The following WDR7 variants were observed in gnomAD, a reference collection of about 807,000 sequenced individuals.
The protein encoded by WDR7 is WD repeat domain 7.
A neutral mutation model predicts 169.4 loss-of-function variants in WDR7; 46 were observed. That is an observed-to-expected ratio of 0.27 (90% CI 0.21 to 0.35). The LOEUF (loss-of-function observed/expected upper bound fraction) is 0.35. Ranked by LOEUF, WDR7 falls within the 10% of genes least tolerant of loss-of-function variation. The probability of loss-of-function intolerance (pLI) is 1.00; values close to 1 mark genes in which losing one functional copy is unlikely to be tolerated. For missense variants in WDR7, 1,534 were observed against 1,859.3 expected, an observed-to-expected ratio of 0.83 and a Z score of 3.22; for synonymous variants, 612 against 666.8, an observed-to-expected ratio of 0.92 and a Z score of 1.27.
chr18:56,988,335 C>T (rs1377534937), intron 26 of WDR7, among the ~76,000 whole-genome samples: 2 of 152,110 alleles, frequency 1.3e-5, no homozygotes, highest in Admixed American at 6.6e-5. Flanking sequence ...TCATTGATAT[C>T]ATTGCTGCCT....
intron 16 of WDR7, among the ~76,000 whole-genome samples, chr18:56,767,970 G>A (rs1288554580): frequency 1.3e-5 from 2 of 152,154 alleles, no homozygotes; most frequent in Non-Finnish European, 2.9e-5. Flanking sequence ...ATTTCTGTTA[G>A]AGATATTATT....
intron 26 of WDR7, among the ~76,000 whole-genome samples, chr18:56,978,317 G>C (rs1239228149): frequency 6.6e-6 from 1 of 152,174 alleles, no homozygotes; most frequent in Non-Finnish European, 1.5e-5. Context: ...TAAAAAACCT[G>C]TCAATGTCCC....
intron 13 of WDR7, among the ~76,000 whole-genome samples, chr18:56,722,909 T>C (rs1568158656): frequency 6.6e-6 from 1 of 152,200 alleles, no homozygotes; most frequent in Non-Finnish European, 1.5e-5. Flanking sequence ...TTCTACCTTC[T>C]AATTCATCCT....
At chr18:57,018,333 G>A (rs1349135145) in intron 26 of WDR7, among the ~76,000 whole-genome samples, 3 of 152,234 alleles carry the variant, frequency 2.0e-5, no homozygotes, top group African/African-American at 7.2e-5. Flanking sequence ...GGATCCCAGA[G>A]CATGGAAGAA....
intron 12 of WDR7, among the ~76,000 whole-genome samples, chr18:56,716,030 AGTGTGTGTGTGTGTGT>A (rs10572330): frequency 6.8e-5 from 10 of 146,586 alleles, no homozygotes; most frequent in African/African-American, 2.5e-4. Context: ...CATACGTAGC[AGTGTGTGTGTGTGTGT>A]GTGTGTGTGT....
intron 26 of WDR7, among the ~76,000 whole-genome samples, chr18:56,978,340 G>A (rs1414818072): frequency 6.6e-6 from 1 of 152,160 alleles, no homozygotes; most frequent in African/African-American, 2.4e-5. Context: ...AATGTACTCT[G>A]CATGGCTTTT....
intron 14 of WDR7, among the ~76,000 whole-genome samples, chr18:56,748,769 A>G (rs1166337876): frequency 1.3e-5 from 2 of 152,124 alleles, no homozygotes; most frequent in African/African-American, 2.4e-5. Flanking sequence ...ATAATAGTAT[A>G]TATTGTCTAA....
intron 12 of WDR7, chr18:56,699,838 T>C (rs1447808975): frequency 5.1e-6 from 5 of 985,332 alleles, no homozygotes; most frequent in Non-Finnish European, 6.0e-6. Context: ...GTAGAACAGA[T>C]GCTGCAGCTG....
At chr18:57,033,497 C>T (rs2048452704), downstream of WDR7, 2 of 152,236 alleles carry the variant, frequency 1.3e-5, no homozygotes, top group South Asian at 2.1e-4. Flanking sequence ...AAAGGACACT[C>T]GAAATCCATA....
intron 4 of WDR7, among the ~76,000 whole-genome samples, chr18:56,681,759 G>T (rs1383274626): frequency 1.3e-5 from 2 of 152,196 alleles, no homozygotes; most frequent in Non-Finnish European, 2.9e-5. Flanking sequence ...GACACAAATT[G>T]ACCTACTTTT....
At chr18:56,987,143 G>A (rs929966057) in intron 26 of WDR7, among the ~76,000 whole-genome samples, 5 of 151,980 alleles carry the variant, frequency 3.3e-5, no homozygotes, top group Admixed American at 3.3e-4. Flanking sequence ...GTTTTTGATA[G>A]CATGAGGTTT....
At chr18:56,968,409 T>C (rs1438134035) in intron 26 of WDR7, among the ~76,000 whole-genome samples, 3 of 152,260 alleles carry the variant, frequency 2.0e-5, no homozygotes, top group Admixed American at 2.0e-4. Context: ...GTTATGGTTA[T>C]ATTTCAGTAT....
chr18:56,977,624 T>C (rs1055612661), intron 26 of WDR7, among the ~76,000 whole-genome samples: 7 of 152,234 alleles, frequency 4.6e-5, no homozygotes, highest in African/African-American at 1.7e-4. Context: ...GTAATTCTGC[T>C]CCTGCTTTAA....
intron 25 of WDR7, among the ~76,000 whole-genome samples, chr18:56,950,477 G>A (rs189434822): frequency 7.0e-4 from 106 of 152,262 alleles, no homozygotes; most frequent in African/African-American, 2.3e-3. Flanking sequence ...TATGAAAATT[G>A]TTTTGATCTC....
chr18:57,036,405 A>G, the WDR7 span: 1 of 152,270 alleles, frequency 6.6e-6, no homozygotes, highest in Non-Finnish European at 1.5e-5. Flanking sequence ...ATAACCCATC[A>G]TGGGGATAAA....
chr18:56,933,582 C>G (rs1599170048), intron 22 of WDR7, among the ~76,000 whole-genome samples: 1 of 152,212 alleles, frequency 6.6e-6, no homozygotes, highest in Admixed American at 6.5e-5. Flanking sequence ...CTAAAATCTT[C>G]TCTCAAAGAT....
At chr18:56,833,531 A>AT (rs1482800372) in intron 20 of WDR7, among the ~76,000 whole-genome samples, 2 of 152,220 alleles carry the variant, frequency 1.3e-5, no homozygotes, top group African/African-American at 4.8e-5. Context: ...ATATAAGCTA[A>AT]TTGGTACCTA....
chr18:56,887,046 CTG>C (rs1297703207), intron 21 of WDR7, among the ~76,000 whole-genome samples: 1 of 152,018 alleles, frequency 6.6e-6, no homozygotes, highest in African/African-American at 2.4e-5. Flanking sequence ...ACTCCACTAA[CTG>C]TGATAATTTT....
At chr18:56,692,632 C>T (rs80083323) in intron 9 of WDR7, among the ~76,000 whole-genome samples, 1 of 151,642 alleles carries the variant, frequency 6.6e-6, no homozygotes, top group Non-Finnish European at 1.5e-5. Context: ...ATTCAAACTT[C>T]CACTTACTGC....
Sources: allele counts gnomAD v4.1 joint callset (sites outside exome capture counted in the v4.1 genomes callset), GRCh38; gene constraint gnomAD v4.1.1; transcripts MANE v1.5; gene names NCBI Gene and HGNC (gene_info 2026-07-23, HGNC 2026-07-21).